The following NRXN1 variants were observed in gnomAD, a reference collection of about 807,000 sequenced individuals.
The protein encoded by NRXN1 is neurexin 1.
In NRXN1, 39 loss-of-function variants were observed where a neutral mutation model predicts 150.9. The ratio of observed to expected loss-of-function variants is 0.26; its 90% CI spans 0.20 to 0.34. The LOEUF (loss-of-function observed/expected upper bound fraction) is 0.34, where lower values mean the gene tolerates loss of function less well. Among genes scored for constraint, NRXN1 ranks in the 10% least tolerant of loss-of-function variants. The pLI is 1.00. For missense variants in NRXN1, 1,815 were observed against 1,949.9 expected (o/e 0.93, Z 1.30); for synonymous variants, 924 against 757.0 (o/e 1.22, Z -3.62).
At chr2:50,831,396 T>C (rs996356547) in intron 5 of NRXN1, among the ~76,000 whole-genome samples, 10 of 152,202 alleles carry the variant, frequency 6.6e-5, no homozygotes, top group Admixed American at 6.5e-4. Flanking sequence ...AATGTAAACA[T>C]GTCTAATTCC....
chr2:50,975,624 C>T (rs995326410), intron 2 of NRXN1, among the ~76,000 whole-genome samples: 5 of 152,102 alleles, frequency 3.3e-5, no homozygotes, highest in Admixed American at 2.6e-4. Flanking sequence ...ACACTATTTT[C>T]TGCTAACATA....
intron 21 of NRXN1, among the ~76,000 whole-genome samples, chr2:49,984,747 ACG>A (rs1491312531): frequency 2.0e-5 from 3 of 151,596 alleles, no homozygotes; most frequent in African/African-American, 7.3e-5. Context: ...ACACACACAC[ACG>A]ATAGTATATT....
intron 5 of NRXN1, among the ~76,000 whole-genome samples, chr2:50,792,200 C>T (rs1706147101): frequency 2.6e-5 from 4 of 152,002 alleles, no homozygotes; most frequent in Admixed American, 2.6e-4. Flanking sequence ...TACGAGAAAA[C>T]TACAGTTTAG....
At chr2:50,982,999 T>C (rs865933499) in intron 2 of NRXN1, among the ~76,000 whole-genome samples, 63 of 152,066 alleles carry the variant, frequency 4.1e-4, no homozygotes, top group African/African-American at 1.4e-3. Flanking sequence ...AAATAAAAAA[T>C]GTGTTGGTCA....
chr2:50,357,302 A>ATTTATTTATTTGT (rs59536239), intron 17 of NRXN1, among the ~76,000 whole-genome samples: 3 of 142,838 alleles, frequency 2.1e-5, no homozygotes, highest in Non-Finnish European at 4.5e-5. Context: ...TTATTTATTT[A>ATTTATTTATTTGT]TTTTTTTTTT....
chr2:50,442,679 A>G, intron 17 of NRXN1, among the ~76,000 whole-genome samples: 1 of 152,140 alleles, frequency 6.6e-6, no homozygotes, highest in East Asian at 1.9e-4. Context: ...TTACTGGCAT[A>G]ATGATAGTAT....
chr2:50,132,509 G>T (rs972097168), intron 18 of NRXN1, among the ~76,000 whole-genome samples: 1 of 151,976 alleles, frequency 6.6e-6, no homozygotes, highest in Admixed American at 6.5e-5. Flanking sequence ...GTTTCATCGT[G>T]TTAGCCAGGA....
intron 18 of NRXN1, among the ~76,000 whole-genome samples, chr2:50,169,730 AAAG>A (rs1224535783): frequency 0.084 from 8,556 of 101,600 alleles, 1,017 homozygotes; most frequent in African/African-American, 0.3. Flanking sequence ...AAAAAAAAAG[AAAG>A]AAAGAAATTA....
intron 5 of NRXN1, chr2:50,632,454 C>A: frequency 6.6e-6 from 1 of 151,980 alleles, no homozygotes; most frequent in East Asian, 1.9e-4. Flanking sequence ...GATCTCTATA[C>A]CTCCTTCTCG....
At chr2:50,840,282 C>A (rs1351788684) in intron 5 of NRXN1, among the ~76,000 whole-genome samples, 1 of 152,100 alleles carries the variant, frequency 6.6e-6, no homozygotes, top group African/African-American at 2.4e-5. Flanking sequence ...ACTTTGCCAT[C>A]AATCTCAAAA....
intron 8 of NRXN1, among the ~76,000 whole-genome samples, 199 bp from the exon 9 acceptor site, chr2:50,553,224 G>A (rs769779107): frequency 3.3e-5 from 5 of 152,178 alleles, no homozygotes; most frequent in Non-Finnish European, 5.9e-5. Context: ...AACTTAACTT[G>A]ATTCAAATAA....
chr2:50,008,945 A>C (rs1241872935), intron 21 of NRXN1, among the ~76,000 whole-genome samples: 3 of 152,148 alleles, frequency 2.0e-5, no homozygotes, highest in Non-Finnish European at 2.9e-5. Flanking sequence ...AGAGTTGATA[A>C]ATTTCTTCAT....
intron 21 of NRXN1, among the ~76,000 whole-genome samples, chr2:50,002,418 T>C (rs574871912): frequency 2.4e-4 from 37 of 152,280 alleles, no homozygotes; most frequent in Non-Finnish European, 5.1e-4. Flanking sequence ...AAGATCTTAC[T>C]CTAGTCAAGA....
intron 19 of NRXN1, among the ~76,000 whole-genome samples, chr2:50,071,745 G>A (rs971943535): frequency 6.6e-6 from 1 of 152,134 alleles, no homozygotes; most frequent in African/African-American, 2.4e-5. Flanking sequence ...ATAATATATT[G>A]TTAGTTTATT....
At chr2:50,976,122 T>C (rs1477366737) in intron 2 of NRXN1, among the ~76,000 whole-genome samples, 1 of 151,972 alleles carries the variant, frequency 6.6e-6, no homozygotes, top group Non-Finnish European at 1.5e-5. Flanking sequence ...ACTTGTACTG[T>C]TTTCAAATGC....
At chr2:50,962,771 C>A (rs1006100778) in intron 2 of NRXN1, among the ~76,000 whole-genome samples, 1 of 151,588 alleles carries the variant, frequency 6.6e-6, no homozygotes, top group Non-Finnish European at 1.5e-5. Context: ...TTGACCAGTT[C>A]TGTGTTCAAT....
chr2:50,532,509 C>G (rs2093144253), intron 10 of NRXN1, among the ~76,000 whole-genome samples: 1 of 152,152 alleles, frequency 6.6e-6, no homozygotes, highest in Admixed American at 6.6e-5. Context: ...TTTACAAAGG[C>G]TTCCTTTTAA....
At chr2:50,949,591 C>A (rs987693263) in intron 2 of NRXN1, among the ~76,000 whole-genome samples, 32 of 152,032 alleles carry the variant, frequency 2.1e-4, no homozygotes, top group African/African-American at 7.5e-4. Flanking sequence ...AGACATCCTG[C>A]AAAGTTTTCC....
intron 5 of NRXN1, among the ~76,000 whole-genome samples, chr2:50,907,335 G>A (rs1248812153): frequency 6.6e-6 from 1 of 151,946 alleles, no homozygotes; most frequent in African/African-American, 2.4e-5. Context: ...AGTTTTCCCT[G>A]GGTATTTGGG....
Sources: allele counts gnomAD v4.1 joint callset (sites outside exome capture counted in the v4.1 genomes callset), GRCh38; gene constraint gnomAD v4.1.1; transcripts MANE v1.5; gene names NCBI Gene and HGNC (gene_info 2026-07-23, HGNC 2026-07-21).